The following PRKCA variants were observed in gnomAD, a reference collection of about 807,000 sequenced individuals.
PRKCA encodes protein kinase C alpha.
PRKCA carries 27 observed loss-of-function variants against 87.0 expected under a neutral mutation model. The ratio of observed to expected loss-of-function variants is 0.31; its 90% CI spans 0.23 to 0.43. The LOEUF is 0.43. Ranked by LOEUF, PRKCA falls within the 20% of genes least tolerant of loss-of-function variation. The pLI, the probability that PRKCA is intolerant of heterozygous loss-of-function variation, is 1.00. For missense variants in PRKCA, 518 were observed against 852.3 expected (o/e 0.61, Z 4.88); for synonymous variants, 329 against 311.1 (o/e 1.06, Z -0.61).
rs60370529 is a variant in PRKCA, at chr17:66,502,407, G to A, written c.288+6124G>A. ...GCACCACCACACTCGGCTAATTTTT[G>A]TATTTTTAGTAGAGACGGAGTTTCA... On this transcript the variant is annotated intron_variant, in intron 3 of 16. Coordinates refer to ENST00000413366, the MANE Select transcript of PRKCA (RefSeq NM_002737.3). Among the ~76,000 whole-genome samples the A allele has an allele frequency of 6.4e-3, 975 of 151,930 alleles. 15 individuals carry two copies. The highest frequency in any genetic ancestry group is 0.023 in the African/African-American group (933 of 41,444).
chr17:66,571,330 GT>G (rs965994526), intron 3 of PRKCA, among the ~76,000 whole-genome samples: 108 of 151,006 alleles, frequency 7.2e-4, no homozygotes, highest in Middle Eastern at 3.4e-3. Flanking sequence ...GGAAATAATT[GT>G]TTTTTTTTAA....
At chr17:66,365,141 C>T (rs11868365) in intron 2 of PRKCA, among the ~76,000 whole-genome samples, 75,886 of 152,058 alleles carry the variant, frequency 0.5, 21,420 homozygotes, top group Non-Finnish European at 0.64. Flanking sequence ...AATAGGCTCT[C>T]GCCTTTATAA....
At chr17:66,765,402 C>T (rs1422616748) in intron 13 of PRKCA, among the ~76,000 whole-genome samples, 1 of 94,788 alleles carries the variant, frequency 1.1e-5, no homozygotes, top group African/African-American at 4.2e-5. Context: ...GCCTGGTCGA[C>T]AGAGCAAGAC....
At chr17:66,415,809 TGC>T (rs1912109918) in intron 2 of PRKCA, 2 of 152,190 alleles carry the variant, frequency 1.3e-5, no homozygotes, top group African/African-American at 4.8e-5. Context: ...ATAACAACAG[TGC>T]CTGCTCAAAC....
At chr17:66,506,991 C>G (rs1413962363) in intron 3 of PRKCA, among the ~76,000 whole-genome samples, 1 of 152,182 alleles carries the variant, frequency 6.6e-6, no homozygotes, top group African/African-American at 2.4e-5. Flanking sequence ...AGATCCACGG[C>G]ACAGGATGTG....
chr17:66,413,218 A>G (rs11652956), intron 2 of PRKCA, among the ~76,000 whole-genome samples: 18,932 of 152,184 alleles, frequency 0.12, 1,529 homozygotes, highest in East Asian at 0.28. Context: ...CAGTTCATCT[A>G]CTAGGGCAGC....
At chr17:66,395,748 C>T (rs1910627822) in intron 2 of PRKCA, among the ~76,000 whole-genome samples, 2 of 152,168 alleles carry the variant, frequency 1.3e-5, no homozygotes, top group Admixed American at 6.5e-5. Context: ...GCTGTGTGCA[C>T]GCTGAATGGG....
intron 2 of PRKCA, among the ~76,000 whole-genome samples, chr17:66,450,853 C>T (rs77477951): frequency 3.3e-5 from 5 of 152,272 alleles, no homozygotes; most frequent in South Asian, 4.1e-4. Context: ...CTAACTGATG[C>T]GATTAGTAAA....
intron 3 of PRKCA, among the ~76,000 whole-genome samples, chr17:66,521,212 A>G (rs1967149272): frequency 6.6e-6 from 1 of 152,214 alleles, no homozygotes. Context: ...ATATTCACAG[A>G]CAGTGAAAGG....
At position 66,688,371 on chromosome 17, in the gene PRKCA, G is replaced by T; in HGVS notation, c.756G>T (p.Arg252Ser). 1 of 1,614,168 alleles carries T rather than the reference G, an allele frequency of 6.2e-7. No individual in the cohort carries two copies. The highest frequency in any genetic ancestry group is 8.5e-7 in the Non-Finnish European group (1 of 1,180,012). ...TCTGGGACTGGGATCGAACAACAAG[G>T]AATGACTTCATGGGATCCCTTTCCT... is the stretch of plus-strand genomic sequence containing the variant. ...VEIWDWDRTT[R>S]NDFMGSLSFG... The change falls in exon 7 of 17, where the codon AGG becomes AGT. Residue 252 changes from arginine (R) to serine (S), a missense_variant. Coordinates refer to ENST00000413366, the MANE Select transcript of PRKCA (RefSeq NM_002737.3).
At chr17:66,690,323 T>C (rs1235830582) in intron 8 of PRKCA, among the ~76,000 whole-genome samples, 1 of 152,118 alleles carries the variant, frequency 6.6e-6, no homozygotes, top group East Asian at 1.9e-4. Flanking sequence ...GCCTCGGGAT[T>C]GAAGCAGGAG....
chr17:66,663,128 G>C (rs183880362), intron 5 of PRKCA, among the ~76,000 whole-genome samples: 1 of 152,188 alleles, frequency 6.6e-6, no homozygotes, highest in Non-Finnish European at 1.5e-5. Flanking sequence ...CAAGGAAGCC[G>C]AGCAAAGCCC....
intron 3 of PRKCA, among the ~76,000 whole-genome samples, chr17:66,522,123 C>T (rs1967180128): frequency 6.6e-6 from 1 of 152,158 alleles, no homozygotes; most frequent in South Asian, 2.1e-4. Flanking sequence ...CATCCCTCAA[C>T]ATGTCCAGTA....
At chr17:66,303,748 A>G (rs1904646582) in intron 1 of PRKCA, among the ~76,000 whole-genome samples, 2 of 152,226 alleles carry the variant, frequency 1.3e-5, no homozygotes, top group South Asian at 4.1e-4. Flanking sequence ...CACGCCTGTA[A>G]TCCCAGCACT....
chr17:66,787,549 A>G (rs1311311175), intron 15 of PRKCA, among the ~76,000 whole-genome samples: 2 of 152,158 alleles, frequency 1.3e-5, no homozygotes, highest in Non-Finnish European at 2.9e-5. Context: ...TCTTTGCTAC[A>G]CTTTTCTTGA....
chr17:66,392,353 G>A (rs926090014), intron 2 of PRKCA, among the ~76,000 whole-genome samples: 4 of 152,136 alleles, frequency 2.6e-5, no homozygotes, highest in Admixed American at 6.5e-5. Context: ...AAGGTAACAC[G>A]TATGCTGTGC....
At chr17:66,602,676 G>A (rs915567052) in intron 3 of PRKCA, among the ~76,000 whole-genome samples, 2 of 152,220 alleles carry the variant, frequency 1.3e-5, no homozygotes, top group Non-Finnish European at 2.9e-5. Flanking sequence ...TGTAGAATGA[G>A]AGAAAATATT....
intron 8 of PRKCA, among the ~76,000 whole-genome samples, chr17:66,719,755 A>G (rs1459757364): frequency 1.3e-5 from 2 of 152,266 alleles, no homozygotes; most frequent in Non-Finnish European, 2.9e-5. Context: ...AGATAGAGCG[A>G]GACTCCGTCT....
At chr17:66,335,946 C>T (rs2143314111) in intron 2 of PRKCA, among the ~76,000 whole-genome samples, 1 of 152,300 alleles carries the variant, frequency 6.6e-6, no homozygotes, top group Non-Finnish European at 1.5e-5. Flanking sequence ...AATTTCATTT[C>T]AGCCAAGCAC....
Sources: gnomAD v4.1 joint callset for allele counts (sites outside exome capture counted in the v4.1 genomes callset) on GRCh38, gnomAD v4.1.1 for gene constraint, MANE v1.5 for transcripts, NCBI Gene and HGNC (gene_info 2026-07-23, HGNC 2026-07-21) for gene names.